MAPRE2: variants seen among roughly 807,000 people sequenced by gnomAD.
MAPRE2 encodes microtubule associated protein RP/EB family member 2.
A neutral mutation model predicts 43.2 loss-of-function variants in MAPRE2; 13 were observed. The observed-to-expected ratio is 0.30, with a 90% CI of 0.20 to 0.48. The LOEUF is 0.48. Among genes scored for constraint, MAPRE2 ranks in the 20% least tolerant of loss-of-function variants. The probability of loss-of-function intolerance (pLI) is 0.99; values close to 1 mark genes in which losing one functional copy is unlikely to be tolerated. For synonymous variants in MAPRE2, 135 were observed against 148.8 expected, an observed-to-expected ratio of 0.91 and a Z score of 0.68; for missense variants, 161 against 400.2, an observed-to-expected ratio of 0.40 and a Z score of 5.10.
chr18:35,045,847 T>C (rs891246427), intron 1 of MAPRE2, among the ~76,000 whole-genome samples: 6 of 152,214 alleles, frequency 3.9e-5, no homozygotes, highest in African/African-American at 9.7e-5. Flanking sequence ...CCTTACTATT[T>C]TTCTTAGTGT....
chr18:35,040,715 G>A (rs940803923), upstream of MAPRE2, among the ~76,000 whole-genome samples: 1 of 152,144 alleles, frequency 6.6e-6, no homozygotes, highest in Non-Finnish European at 1.5e-5. Context: ...TGAATTGGAG[G>A]GTTTTGGGTA....
At chr18:35,039,779 C>CAT (rs1330891388), upstream of MAPRE2, among the ~76,000 whole-genome samples, 1 of 152,134 alleles carries the variant, frequency 6.6e-6, no homozygotes, top group African/African-American at 2.4e-5. Flanking sequence ...GCTGATAAAC[C>CAT]ATACAGTGAT....
At chr18:35,025,084 G>T (rs943901161) in intron 2 of MAPRE2, among the ~76,000 whole-genome samples, 1 of 152,150 alleles carries the variant, frequency 6.6e-6, no homozygotes, top group East Asian at 1.9e-4. Context: ...TAGAGTATTT[G>T]TACAAAGCAT....
chr18:35,079,468 T>C (rs1458079076), intron 2 of MAPRE2, among the ~76,000 whole-genome samples: 2 of 152,252 alleles, frequency 1.3e-5, no homozygotes, highest in Non-Finnish European at 2.9e-5. Flanking sequence ...TAAAAGGACT[T>C]ACTAATGCAA....
intron 2 of MAPRE2, among the ~76,000 whole-genome samples, chr18:35,018,122 C>T (rs2097039604): frequency 6.6e-6 from 1 of 151,850 alleles, no homozygotes; most frequent in African/African-American, 2.4e-5. Context: ...TATTGACTTG[C>T]ATATGTTGAA....
chr18:35,052,084 A>G (rs1905966560), intron 1 of MAPRE2, among the ~76,000 whole-genome samples: 1 of 152,232 alleles, frequency 6.6e-6, no homozygotes, highest in South Asian at 2.1e-4. Flanking sequence ...CATCAACTTT[A>G]TTAAGAATTT....
At chr18:35,128,844 A>T (rs1910018608) in intron 5 of MAPRE2, among the ~76,000 whole-genome samples, 1 of 152,108 alleles carries the variant, frequency 6.6e-6, no homozygotes, top group Non-Finnish European at 1.5e-5. Flanking sequence ...AAGTATAACC[A>T]CGTGGAAACC....
At chr18:35,050,380 A>G (rs544004565) in intron 1 of MAPRE2, among the ~76,000 whole-genome samples, 67 of 152,380 alleles carry the variant, frequency 4.4e-4, no homozygotes, top group African/African-American at 1.6e-3. Context: ...TACATTAAAC[A>G]TCAGTAGTCA....
chr18:35,141,114 C>T lies in MAPRE2; in HGVS notation c.*745C>T, dbSNP rs3810021. ...CACCATGTCCCTTGCCCCCATGTAG[C>T]CCATTTCCCAGGTTATGCTCTTTTC... On this transcript the variant is annotated 3_prime_UTR_variant, in exon 7 of 7. Coordinates refer to ENST00000300249, the MANE Select transcript of MAPRE2 (RefSeq NM_014268.4). 21,022 of 152,290 alleles carry T rather than the reference C, an allele frequency of 0.14. 1,668 individuals are homozygous for T. Among genetic ancestry groups the T allele is most frequent in the South Asian group, 0.24 (1,165 of 4,814 alleles). 9.4% of individuals were successfully genotyped at this position (152,290 alleles called of 1,614,324 possible). A position where few individuals can be genotyped will look rare whatever the true frequency, so the allele number is the denominator to read the frequency against.
chr18:35,128,343 T>G (rs1909998980), intron 5 of MAPRE2, among the ~76,000 whole-genome samples: 1 of 152,240 alleles, frequency 6.6e-6, no homozygotes, highest in South Asian at 2.1e-4. Flanking sequence ...TCCACATGCC[T>G]CAGGCTCCAA....
In MAPRE2 at chr18:35,132,252, A is replaced by G. The variant is rs1383681549; in HGVS notation, c.909+62A>G. 2.7e-6 allele frequency: 4 copies of G among 1,500,854 alleles called. 1 individual carries two copies. Among genetic ancestry groups the G allele is most frequent in the South Asian group, 2.3e-5 (2 of 85,280 alleles). 93.0% of individuals were successfully genotyped at this position (1,500,854 alleles called of 1,614,324 possible). ...ATGACTCTCTTGGTCAAAACACAGT[A>G]GATCAGCACTCCTTAGAATACTTCC... On this transcript the variant is annotated intron_variant, in intron 6 of 6. Coordinates refer to ENST00000300249, the MANE Select transcript of MAPRE2 (RefSeq NM_014268.4).
chr18:34,995,406 CAG>C (rs1403926958), intron 1 of MAPRE2, among the ~76,000 whole-genome samples: 1 of 152,208 alleles, frequency 6.6e-6, no homozygotes. Flanking sequence ...AAGAAAATAA[CAG>C]TGGCTTCACT....
Position 34,978,851 on chromosome 18 carries a change from T to C in MAPRE2, c.-70+1772T>C, listed in dbSNP as rs568385747. ...AATTTTGCTGCATAGTGGAATCATC[T>C]GGGGAGCTTTGAGAACTCCTGATGT... On this transcript the variant is annotated intron_variant, in intron 1 of 7. Transcript: ENST00000413393. 5.3e-5 allele frequency among the ~76,000 whole-genome samples: 8 copies of C among 152,312 alleles called. No homozygotes were observed. In the South Asian group the frequency reaches 1.7e-3, roughly 32 times the overall value.
chr18:35,078,885 T>C (rs1189256996), intron 2 of MAPRE2, among the ~76,000 whole-genome samples: 1 of 152,174 alleles, frequency 6.6e-6, no homozygotes, highest in Non-Finnish European at 1.5e-5. Flanking sequence ...AGACATTTGC[T>C]CCTAGTCTTA....
intron 1 of MAPRE2, among the ~76,000 whole-genome samples, chr18:35,048,524 A>G (rs757581097): frequency 6.6e-6 from 1 of 150,568 alleles, no homozygotes; most frequent in Non-Finnish European, 1.5e-5. Context: ...ATATAGTATT[A>G]ACACATATAC....
At chr18:35,113,834 A>G (rs768421086) in intron 4 of MAPRE2, among the ~76,000 whole-genome samples, 3 of 152,152 alleles carry the variant, frequency 2.0e-5, no homozygotes, top group African/African-American at 7.2e-5. Context: ...CAAGGCTGCA[A>G]TGAGCCATGT....
chr18:34,978,462 C>A (rs1314239212), intron 1 of MAPRE2: 2 of 1,517,788 alleles, frequency 1.3e-6, no homozygotes, highest in Non-Finnish European at 1.8e-6. Flanking sequence ...GACGCAGCAC[C>A]TACTTCTAAT....
intron 6 of MAPRE2, among the ~76,000 whole-genome samples, chr18:35,135,310 C>T (rs909019646): frequency 2.0e-5 from 3 of 152,158 alleles, no homozygotes; most frequent in Non-Finnish European, 2.9e-5. Context: ...GCCTGGATGC[C>T]GTGCTGGGTG....
At chr18:35,044,673 G>A (rs1014357720) in intron 1 of MAPRE2, among the ~76,000 whole-genome samples, 1 of 152,210 alleles carries the variant, frequency 6.6e-6, no homozygotes, top group Non-Finnish European at 1.5e-5. Flanking sequence ...TGTTGTTACT[G>A]AAAAAGGGCT....
Sources: allele counts gnomAD v4.1 joint callset (sites outside exome capture counted in the v4.1 genomes callset), GRCh38; gene constraint gnomAD v4.1.1; transcripts MANE v1.5; gene names NCBI Gene and HGNC (gene_info 2026-07-23, HGNC 2026-07-21).